RAD51B: variants seen among roughly 807,000 people sequenced by gnomAD.
The protein encoded by RAD51B is DNA repair protein RAD51 homolog 2.
A neutral mutation model predicts 42.2 loss-of-function variants in RAD51B; 38 were observed. The ratio of observed to expected loss-of-function variants is 0.90; its 90% CI spans 0.70 to 1.18. RAD51B has a LOEUF of 1.18. Ranked by LOEUF, RAD51B falls within the 50% of genes most tolerant of loss-of-function variation. The pLI, the probability that RAD51B is intolerant of heterozygous loss-of-function variation, is 0.00. For missense variants in RAD51B, 373 were observed against 400.7 expected, an observed-to-expected ratio of 0.93 and a Z score of 0.59; for synonymous variants, 154 against 145.2, an observed-to-expected ratio of 1.06 and a Z score of -0.43.
intron 8 of RAD51B, among the ~76,000 whole-genome samples, chr14:68,301,636 G>T (rs939371166): frequency 7.8e-6 from 1 of 127,448 alleles, no homozygotes; most frequent in Non-Finnish European, 1.6e-5. Flanking sequence ...TTACTCCATC[G>T]CCCAGGCTGG....
At chr14:68,444,759 G>T (rs1029073386) in intron 9 of RAD51B, among the ~76,000 whole-genome samples, 4 of 152,232 alleles carry the variant, frequency 2.6e-5, no homozygotes, top group Non-Finnish European at 5.9e-5. Flanking sequence ...AGCAGGGATG[G>T]GGTGGAGGTG....
intron 7 of RAD51B, among the ~76,000 whole-genome samples, chr14:67,914,478 G>A (rs907928426): frequency 7.2e-5 from 11 of 152,104 alleles, no homozygotes; most frequent in African/African-American, 2.7e-4. Flanking sequence ...CCATTCATCT[G>A]CTGATGGATA....
chr14:67,895,163 G>A (rs1453903088), intron 7 of RAD51B, among the ~76,000 whole-genome samples: 1 of 152,206 alleles, frequency 6.6e-6, no homozygotes, highest in African/African-American at 2.4e-5. Context: ...TAATTCTAAA[G>A]TTGTATGCTA....
intron 7 of RAD51B, among the ~76,000 whole-genome samples, chr14:68,186,748 A>G (rs922624923): frequency 6.6e-6 from 1 of 152,198 alleles, no homozygotes; most frequent in East Asian, 1.9e-4. Context: ...AAAGGAATGC[A>G]TGTACACTGT....
intron 7 of RAD51B, among the ~76,000 whole-genome samples, chr14:68,001,038 C>G (rs569889836): frequency 6.6e-6 from 1 of 151,802 alleles, no homozygotes; most frequent in Non-Finnish European, 1.5e-5. Flanking sequence ...GACTTTTGTC[C>G]TCAAAGATCT....
At chr14:68,611,138 T>C in exon 11 of RAD51B, 1 of 703,116 alleles carries the variant, frequency 1.4e-6, no homozygotes, top group South Asian at 1.5e-5. Flanking sequence ...TTACCCAGTG[T>C]CTCCATGTGC....
intron 8 of RAD51B, among the ~76,000 whole-genome samples, chr14:68,376,671 G>T (rs1262152540): frequency 2.6e-5 from 4 of 152,212 alleles, no homozygotes; most frequent in Admixed American, 1.3e-4. Context: ...CCAGAAGCTT[G>T]CTAGGCCCAG....
At chr14:67,881,315 C>T (rs1383457123) in intron 5 of RAD51B, among the ~76,000 whole-genome samples, 1 of 152,200 alleles carries the variant, frequency 6.6e-6, no homozygotes, top group African/African-American at 2.4e-5. Flanking sequence ...ATAATAAGGT[C>T]TCTTTATTCT....
intron 8 of RAD51B, among the ~76,000 whole-genome samples, chr14:68,336,224 A>T (rs1330842072): frequency 1.3e-5 from 2 of 152,202 alleles, no homozygotes; most frequent in Non-Finnish European, 2.9e-5. Flanking sequence ...CTGAATGTTT[A>T]ATTATGGTTC....
chr14:68,144,290 G>A (rs1451855690), intron 7 of RAD51B, among the ~76,000 whole-genome samples: 1 of 152,186 alleles, frequency 6.6e-6, no homozygotes, highest in Non-Finnish European at 1.5e-5. Context: ...CACAGAGCTT[G>A]TCTGCATATG....
chr14:68,021,498 ATTTTTT>A (rs2075865632), intron 7 of RAD51B, among the ~76,000 whole-genome samples: 1 of 152,068 alleles, frequency 6.6e-6, no homozygotes. Flanking sequence ...TTAGAACGTC[ATTTTTT>A]CACCTACTAT....
intron 8 of RAD51B, among the ~76,000 whole-genome samples, chr14:68,383,380 A>G (rs2139992900): frequency 6.6e-6 from 1 of 152,318 alleles, no homozygotes; most frequent in East Asian, 1.9e-4. Flanking sequence ...AATGCTAAGC[A>G]TCCTACAATA....
At chr14:68,432,595 A>G (rs996823229) in intron 9 of RAD51B, among the ~76,000 whole-genome samples, 25 of 151,668 alleles carry the variant, frequency 1.6e-4, no homozygotes, top group Non-Finnish European at 2.9e-4. Context: ...TTTGTTTTCC[A>G]TTTGCTTGGT....
intron 4 of RAD51B, among the ~76,000 whole-genome samples, chr14:67,862,101 A>G (rs548033434): frequency 2.0e-5 from 3 of 152,246 alleles, no homozygotes; most frequent in Admixed American, 6.5e-5. Context: ...ATAATGTTGT[A>G]TATTTCAAAT....
At chr14:68,659,073 C>G (rs533354049) in intron 11 of RAD51B, among the ~76,000 whole-genome samples, 1 of 152,188 alleles carries the variant, frequency 6.6e-6, no homozygotes, top group East Asian at 1.9e-4. Context: ...CAAGGGTGAC[C>G]GTGTGGCCTG....
rs75036581 is a variant in RAD51B at position 67,911,109 on chromosome 14, T to A, written c.756+23905T>A. On this transcript the variant is annotated intron_variant, in intron 7 of 10. Coordinates refer to ENST00000471583, the MANE Select transcript of RAD51B (RefSeq NM_133510.4). ...CTAGGATTACAGATGTGAGCCACCG[T>A]GCCCAGCCCCAGTCTCATTTTGGAA... Among the ~76,000 whole-genome samples, 1,382 of 152,294 alleles carry A rather than the reference T, an allele frequency of 9.1e-3. 16 individuals are homozygous for A. Among genetic ancestry groups the A allele is most frequent in the Middle Eastern group, 0.031 (9 of 294 alleles).
At chr14:68,669,564 T>C (rs1366963933) in intron 11 of RAD51B, among the ~76,000 whole-genome samples, 3 of 152,128 alleles carry the variant, frequency 2.0e-5, no homozygotes, top group Admixed American at 6.6e-5. Flanking sequence ...TTCTGGTCTT[T>C]ATTCCGTGCT....
intron 10 of RAD51B, among the ~76,000 whole-genome samples, chr14:68,564,460 G>A (rs544442972): frequency 1.5e-4 from 23 of 152,294 alleles, no homozygotes; most frequent in East Asian, 1.2e-3. Context: ...AGCAGGGGAC[G>A]GGCTTGTGAG....
intron 7 of RAD51B, among the ~76,000 whole-genome samples, chr14:68,103,083 T>G (rs2077318908): frequency 6.6e-6 from 1 of 152,054 alleles, no homozygotes; most frequent in African/African-American, 2.4e-5. Flanking sequence ...TGCAGTTACC[T>G]CCCACTGGGT....
Sources: gnomAD v4.1 joint callset for allele counts (sites outside exome capture counted in the v4.1 genomes callset) on GRCh38, gnomAD v4.1.1 for gene constraint, MANE v1.5 for transcripts, NCBI Gene and HGNC (gene_info 2026-07-23, HGNC 2026-07-21) for gene names.